Variants in CIITA observed in about 807,000 individuals in gnomAD.
CIITA encodes the protein MHC class II transactivator.
Under a neutral mutation model 115.1 loss-of-function variants are expected in CIITA, and 72 were observed. The ratio of observed to expected loss-of-function variants is 0.63; its 90% CI spans 0.52 to 0.76. The LOEUF (loss-of-function observed/expected upper bound fraction) is 0.76. Among genes scored for constraint, CIITA ranks in the 30% least tolerant of loss-of-function variants. The pLI, the probability that CIITA is intolerant of heterozygous loss-of-function variation, is 0.00. For missense variants in CIITA, 1,617 were observed against 1,463.8 expected (o/e 1.10, Z -1.71); for synonymous variants, 763 against 635.6 (o/e 1.20, Z -3.02).
In CIITA at chr16:10,877,329, C is replaced by G; in HGVS notation, c.-2C>G. The G allele has an allele frequency of 6.2e-7, 1 of 1,612,846 alleles. No individual in the cohort carries two copies. Among genetic ancestry groups the G allele is most frequent in the South Asian group, 1.1e-5 (1 of 90,798 alleles). ...CTGCTGCCTGGCTGGGATTCCTACA[C>G]AATGCGTTGCCTGGCTCCACGCCCT... On this transcript the variant is annotated 5_prime_UTR_variant, in exon 1 of 20. Coordinates refer to ENST00000324288, the MANE Select transcript of CIITA (RefSeq NM_000246.4).
Position 10,929,273 on chromosome 16 carries a change from C to T in CIITA, c.*5418C>T, listed in dbSNP as rs186156834. 118 of 985,922 alleles carry T rather than the reference C, an allele frequency of 1.2e-4. 1 individual carries two copies. In the East Asian group the frequency reaches 8.8e-3, roughly 74 times the overall value. The allele number at this position is 985,922 out of a possible 1,614,324, so 61.1% of individuals were successfully genotyped here. ...TGTCCGCAGTTTGAAGTGTCCTCTC[C>T]GAAGGTGAAGTGGGGGAAGCAGGTG... is the stretch of plus-strand genomic sequence containing the variant. On this transcript the variant is annotated 3_prime_UTR_variant, in exon 20 of 20. Coordinates refer to ENST00000324288, the MANE Select transcript of CIITA (RefSeq NM_000246.4). This position sits in a 1 kb window ranked among gnomAD's most constrained non-coding sequence, Gnocchi z 4.3.
At position 10,927,554 on chromosome 16, in the gene CIITA, T is replaced by C. The variant is rs200283214; in HGVS notation, c.*3699T>C. On this transcript the variant is annotated 3_prime_UTR_variant, in exon 20 of 20. Coordinates refer to ENST00000324288, the MANE Select transcript of CIITA (RefSeq NM_000246.4). ...ATTTTAGCAAATTAAAAAAACTCTTTGGACAGGGCTGCCAGGTGAGGTTGG... is the reference window on the plus strand; with the variant it reads ...ATTTTAGCAAATTAAAAAAACTCTTCGGACAGGGCTGCCAGGTGAGGTTGG... 6.6e-6 allele frequency: 1 copy of C among 152,206 alleles called. No homozygotes were observed. The highest frequency in any genetic ancestry group is 1.5e-5 in the Non-Finnish European group (1 of 68,046). The allele number at this position is 152,206 out of a possible 1,614,324, so 9.4% of individuals were successfully genotyped here.
intron 1 of CIITA, among the ~76,000 whole-genome samples, chr16:10,870,169 CAAAAAAAAAAAAAAAAAA>C (rs34256366): frequency 4.3e-5 from 2 of 46,246 alleles, no homozygotes; most frequent in African/African-American, 8.0e-5. Flanking sequence ...GTACTTCCTG[CAAAAAAAAAAAAAAAAAA>C]AAAAAAAAAA....
chr16:10,920,330 C>A lies in CIITA; in HGVS notation c.3149+1804C>A, dbSNP rs2040202388. On this transcript the variant is annotated intron_variant, in intron 16 of 19. Coordinates refer to ENST00000324288, the MANE Select transcript of CIITA (RefSeq NM_000246.4). The surrounding 1 kb of genome is among the most constrained non-coding windows in gnomAD (Gnocchi z 4.5). ...TGGCATGATCTCAGCTCACTGCAAG[C>A]ACTGCCTCCTGGGTTCAAGTGATTC... Among the ~76,000 whole-genome samples, 1 of 152,242 alleles carries A rather than the reference C, an allele frequency of 6.6e-6. No homozygotes were observed. Among genetic ancestry groups the A allele is most frequent in the East Asian group, 1.9e-4 (1 of 5,206 alleles).
chr16:10,872,392 G>A (rs578159108), upstream of CIITA, among the ~76,000 whole-genome samples: 1 of 152,232 alleles, frequency 6.6e-6, no homozygotes, highest in Admixed American at 6.5e-5. Flanking sequence ...CAAAATGCTG[G>A]GATTATAGGC....
chr16:10,903,108 T>C (rs1167412366), intron 8 of CIITA, among the ~76,000 whole-genome samples: 1 of 152,266 alleles, frequency 6.6e-6, no homozygotes, highest in Non-Finnish European at 1.5e-5. Context: ...GCAACATCAA[T>C]ACATGCTCAC....
Position 10,877,219 on chromosome 16 carries a change from T to C in CIITA, c.-112T>C. 1 of 885,894 alleles carries C rather than the reference T, an allele frequency of 1.1e-6. No homozygotes were observed. The highest frequency in any genetic ancestry group is 1.9e-6 in the Non-Finnish European group (1 of 540,004). The allele number at this position is 885,894 out of a possible 1,614,324, so 54.9% of individuals were successfully genotyped here. ...GACTGGTTAGTGATGAGGCTAGTGA[T>C]GAGGCTGTGTGCTTCTGAGCTGGGC... On this transcript the variant is annotated 5_prime_UTR_variant, in exon 1 of 20. The change abolishes an upstream ATG in the 5' untranslated region. Transcript: ENST00000324288.
At chr16:10,909,261 G>A in intron 12 of CIITA, 74 bp downstream of exon 12, 1 of 1,519,320 alleles carries the variant, frequency 6.6e-7, no homozygotes, top group Non-Finnish European at 9.1e-7. Flanking sequence ...TCTCAAGTTT[G>A]TCATGGGCAT....
At position 10,910,225 on chromosome 16, in the gene CIITA, C is replaced by A; in HGVS notation, c.2854C>A (p.Pro952Thr). 1 of 1,614,086 alleles carries A rather than the reference C, an allele frequency of 6.2e-7. No homozygotes were observed. Among genetic ancestry groups the A allele is most frequent in the Non-Finnish European group, 8.5e-7 (1 of 1,179,994 alleles). ...SSSEDTAGELPAVRDLKKLEF... is the reference protein window; with the variant it reads ...SSSEDTAGELTAVRDLKKLEF... ...CTCGGAAGACACAGCTGGGGAGCTCCCTGCTGTTCGGGACCTAAAGAAACT... is the reference window on the plus strand; with the variant it reads ...CTCGGAAGACACAGCTGGGGAGCTCACTGCTGTTCGGGACCTAAAGAAACT... The change falls in exon 13 of 20, where the codon CCT becomes ACT. Residue 952 changes from proline to threonine, a missense_variant. By Grantham distance (38) the Pro-to-Thr change is conservative. Transcript: ENST00000324288.
upstream of CIITA, among the ~76,000 whole-genome samples, chr16:10,876,164 A>T (rs531484247): frequency 2.6e-5 from 4 of 152,072 alleles, no homozygotes; most frequent in African/African-American, 4.8e-5. Flanking sequence ...CTAAAAAAAA[A>T]CAAAAACAAA....
chr16:10,907,328 T>G lies in CIITA; in HGVS notation c.1836T>G (p.Thr612=). ...TTCTCAGTCACAGCCACAGCCCTAC[T>G]TTGTGCCGGGCAGTGTGCCAGCTCT... ...PLLLSHSHSP[T]LCRAVCQLSE... Residue 612 remains threonine, a synonymous_variant, in exon 11 of 20, where the codon ACT becomes ACG. Coordinates refer to ENST00000324288, the MANE Select transcript of CIITA (RefSeq NM_000246.4). This position sits in a 1 kb window ranked among gnomAD's most constrained non-coding sequence, Gnocchi z 5.0. 1 of 1,613,538 alleles carries G rather than the reference T, an allele frequency of 6.2e-7. No individual in the cohort carries two copies. Among genetic ancestry groups the G allele is most frequent in the Non-Finnish European group, 8.5e-7 (1 of 1,179,984 alleles).
At chr16:10,881,967 T>A (rs563337492) in intron 1 of CIITA, among the ~76,000 whole-genome samples, 6 of 152,250 alleles carry the variant, frequency 3.9e-5, no homozygotes, top group African/African-American at 1.4e-4. Flanking sequence ...GCATAATGTC[T>A]TCCAGGTTCA....
At chr16:10,883,378 G>A (rs1164201028) in intron 1 of CIITA, among the ~76,000 whole-genome samples, 1 of 152,194 alleles carries the variant, frequency 6.6e-6, no homozygotes, top group African/African-American at 2.4e-5. Context: ...CTGCATTCTG[G>A]ACAGGGACCG....
At chr16:10,902,851 C>G (rs1053789672) in intron 8 of CIITA, 50 bp downstream of exon 8, 2 of 1,606,156 alleles carry the variant, frequency 1.2e-6, no homozygotes, top group Admixed American at 1.7e-5. Context: ...TACCTGACTG[C>G]TCCCTGACCT....
rs1470817290 is a variant in CIITA at position 10,927,085 on chromosome 16, C to T, written c.*3230C>T. 6.6e-6 allele frequency: 1 copy of T among 152,232 alleles called. No homozygotes were observed. Among genetic ancestry groups the T allele is most frequent in the Non-Finnish European group, 1.5e-5 (1 of 68,042 alleles). The allele number at this position is 152,232 out of a possible 1,614,324, so 9.4% of individuals were successfully genotyped here. Reference sequence around the variant, plus strand: ...CTCCTCATTTGTAAAATGGGCATAACCACAGCACCTTCTTTATAGGATTAT... The same window carrying T: ...CTCCTCATTTGTAAAATGGGCATAATCACAGCACCTTCTTTATAGGATTAT... On this transcript the variant is annotated 3_prime_UTR_variant, in exon 20 of 20. Transcript: ENST00000324288.
At chr16:10,918,340 G>A (rs1012815124) in intron 15 of CIITA, 100 bp from the exon 16 acceptor site, 20 of 1,061,782 alleles carry the variant, frequency 1.9e-5, no homozygotes, top group African/African-American at 6.2e-5. Flanking sequence ...TAAGTCTGTC[G>A]ACAGCGCCAT....
chr16:10,903,871 C>G lies in CIITA; in HGVS notation c.913C>G (p.Leu305Val). Residue 305 changes from leucine to valine, a missense_variant, in exon 9 of 20, where the codon CTG becomes GTG. By Grantham distance (32) the Leu-to-Val change is conservative. Transcript: ENST00000324288. The part of the protein sequence containing the change: ...TDLPSMPEPA[L>V]TSRANMTEHK... ...CCTGCCCAGCATGCCTGAACCTGCC[C>G]TGACCTCCCGAGCAAACATGACAGG... The G allele has an allele frequency of 1.9e-6, 3 of 1,614,238 alleles. No individual in the cohort carries two copies. The highest frequency in any genetic ancestry group is 1.6e-4 in the Middle Eastern group (1 of 6,062).
At chr16:10,909,300 C>T (rs45481191) in intron 12 of CIITA, 113 bp downstream of exon 12, 89,058 of 1,099,022 alleles carry the variant, frequency 0.081, 4,365 homozygotes, top group Non-Finnish European at 0.096. Flanking sequence ...TCTGGGACAC[C>T]CCATGCCCTC....
chr16:10,903,302 G>T (rs1379127825), intron 8 of CIITA, among the ~76,000 whole-genome samples: 1 of 152,166 alleles, frequency 6.6e-6, no homozygotes, highest in Non-Finnish European at 1.5e-5. Flanking sequence ...TCTCAGGGAA[G>T]GTGTGTTTGG....
Sources: allele counts gnomAD v4.1 joint callset (sites outside exome capture counted in the v4.1 genomes callset), GRCh38; gene constraint gnomAD v4.1.1; non-coding constraint Gnocchi (gnomAD v3.1); transcripts MANE v1.5; gene names NCBI Gene and HGNC (gene_info 2026-07-23, HGNC 2026-07-21).